Variants in RNF150 observed in about 807,000 individuals in gnomAD.
The protein encoded by RNF150 is ring finger protein 150.
Under a neutral mutation model 39.3 loss-of-function variants are expected in RNF150, and 24 were observed. The observed-to-expected ratio is 0.61, with a 90% CI of 0.44 to 0.86. The LOEUF is 0.86. Among genes scored for constraint, RNF150 ranks in the 40% least tolerant of loss-of-function variants. The pLI is 0.00. For synonymous variants in RNF150, 255 were observed against 227.3 expected, an observed-to-expected ratio of 1.12 and a Z score of -1.10; for missense variants, 502 against 587.8, an observed-to-expected ratio of 0.85 and a Z score of 1.51.
intron 1 of RNF150, among the ~76,000 whole-genome samples, chr4:141,043,267 G>A (rs1414026926): frequency 3.9e-5 from 6 of 152,044 alleles, no homozygotes; most frequent in African/African-American, 1.4e-4. Flanking sequence ...GTACGTTTGT[G>A]AAGGAGAGGG....
chr4:140,873,821 G>A (rs894238355), intron 6 of RNF150, among the ~76,000 whole-genome samples: 7 of 152,000 alleles, frequency 4.6e-5, no homozygotes, highest in African/African-American at 9.7e-5. Flanking sequence ...GACCACATAC[G>A]TGTCCCACCA....
At chr4:141,201,886 A>G (rs566738930) in intron 1 of RNF150, among the ~76,000 whole-genome samples, 1 of 152,232 alleles carries the variant, frequency 6.6e-6, no homozygotes, top group African/African-American at 2.4e-5. Context: ...CCAATGTGAT[A>G]CTATTAGAAG....
intron 4 of RNF150, among the ~76,000 whole-genome samples, chr4:140,942,868 T>G (rs114466261): frequency 7.9e-5 from 12 of 152,308 alleles, no homozygotes; most frequent in African/African-American, 2.6e-4. Context: ...TTAGAGAATT[T>G]TGTTTGTAAT....
chr4:141,160,801 G>A (rs1727497364), intron 1 of RNF150, among the ~76,000 whole-genome samples: 1 of 152,202 alleles, frequency 6.6e-6, no homozygotes, highest in South Asian at 2.1e-4. Flanking sequence ...GTGATTGAAA[G>A]TTTCTTGAAG....
chr4:140,930,636 T>C (rs1731591312), intron 4 of RNF150, among the ~76,000 whole-genome samples: 1 of 152,232 alleles, frequency 6.6e-6, no homozygotes, highest in Admixed American at 6.5e-5. Flanking sequence ...GGGACTTTTC[T>C]TCTCTCAGCG....
At chr4:140,945,773 T>A (rs1367852301) in intron 4 of RNF150, among the ~76,000 whole-genome samples, 1 of 151,818 alleles carries the variant, frequency 6.6e-6, no homozygotes, top group East Asian at 1.9e-4. Flanking sequence ...TTTGTAAATG[T>A]CTTTGGATTT....
chr4:140,933,000 T>C (rs1046733023), intron 4 of RNF150, among the ~76,000 whole-genome samples: 2 of 152,230 alleles, frequency 1.3e-5, no homozygotes, highest in African/African-American at 4.8e-5. Flanking sequence ...TTGCTGTTAC[T>C]GCATCAAAGC....
At chr4:140,934,246 G>A (rs555947822) in intron 4 of RNF150, among the ~76,000 whole-genome samples, 1 of 152,218 alleles carries the variant, frequency 6.6e-6, no homozygotes, top group South Asian at 2.1e-4. Flanking sequence ...CTGATCTCAG[G>A]TGATCCACCA....
intron 1 of RNF150, among the ~76,000 whole-genome samples, chr4:141,201,325 A>G (rs2111217106): frequency 6.6e-6 from 1 of 152,332 alleles, no homozygotes; most frequent in Admixed American, 6.5e-5. Flanking sequence ...CCCAAATACA[A>G]AATGAAGTTT....
intron 1 of RNF150, among the ~76,000 whole-genome samples, chr4:141,198,960 T>C (rs959690416): frequency 1.3e-5 from 2 of 152,226 alleles, no homozygotes; most frequent in African/African-American, 4.8e-5. Flanking sequence ...AGAAAATATT[T>C]GCAAATCATA....
At chr4:141,187,543 G>A (rs1157189223) in intron 1 of RNF150, among the ~76,000 whole-genome samples, 1 of 152,084 alleles carries the variant, frequency 6.6e-6, no homozygotes, top group Non-Finnish European at 1.5e-5. Context: ...TCGTGTATTG[G>A]GTGCATATAT....
chr4:141,195,869 A>G (rs1578791828), intron 1 of RNF150, among the ~76,000 whole-genome samples: 1 of 152,296 alleles, frequency 6.6e-6, no homozygotes, highest in East Asian at 1.9e-4. Context: ...TAGTCTGGGA[A>G]ACTAGAGTTA....
chr4:141,010,015 T>C (rs765230506), intron 1 of RNF150, among the ~76,000 whole-genome samples: 1 of 152,220 alleles, frequency 6.6e-6, no homozygotes, highest in Non-Finnish European at 1.5e-5. Flanking sequence ...ATGTGTTTGC[T>C]TTCCTAAAAG....
Position 141,132,827 on chromosome 4 carries a change from C to G in RNF150, c.-19G>C. The G allele has an allele frequency of 3.1e-6, 5 of 1,588,892 alleles. No individual in the cohort carries two copies. Among genetic ancestry groups the G allele is most frequent in the Non-Finnish European group, 3.4e-6 (4 of 1,163,032 alleles). Reference sequence around the variant, plus strand: ...TTGCCATCTTTATCCGCCGGGGCCCCCTCCCCGCCCCCGCGCCCTCCCTCC... The same window carrying G: ...TTGCCATCTTTATCCGCCGGGGCCCGCTCCCCGCCCCCGCGCCCTCCCTCC... On this transcript the variant is annotated 5_prime_UTR_variant, in exon 1 of 7. Transcript: ENST00000515673. This position sits in a 1 kb window ranked among gnomAD's most constrained non-coding sequence, Gnocchi z 4.9.
chr4:140,862,805 C>T lies in RNF150; in HGVS notation c.*5456G>A, dbSNP rs979490994. On this transcript the variant is annotated 3_prime_UTR_variant, in exon 7 of 7. Transcript: ENST00000515673. ...CCCCAAAACCCAGGTCAGCTCTAAA[C>T]CTAGGGATGAGCATTTACTTGGGGA... The T allele has an allele frequency of 3.9e-5, 6 of 152,150 alleles. No individual in the cohort carries two copies. Among genetic ancestry groups the T allele is most frequent in the African/African-American group, 1.4e-4 (6 of 41,424 alleles). The allele number at this position is 152,150 out of a possible 1,614,324, so 9.4% of individuals were successfully genotyped here.
intron 2 of RNF150, among the ~76,000 whole-genome samples, chr4:140,965,122 G>A (rs1472269627): frequency 2.0e-5 from 3 of 152,010 alleles, no homozygotes; most frequent in South Asian, 2.1e-4. Context: ...AAACATGAAT[G>A]CTTTTCAGTA....
intron 1 of RNF150, among the ~76,000 whole-genome samples, chr4:141,183,842 C>G (rs1727953813): frequency 6.6e-6 from 1 of 152,170 alleles, no homozygotes; most frequent in Admixed American, 6.5e-5. Context: ...TGAACTCATT[C>G]ATTTTTATAC....
chr4:141,103,312 C>T (rs1739080794), intron 1 of RNF150, among the ~76,000 whole-genome samples: 1 of 152,224 alleles, frequency 6.6e-6, no homozygotes, highest in African/African-American at 2.4e-5. Context: ...GTTGTGAAGA[C>T]TCTCCTCCTT....
intron 1 of RNF150, among the ~76,000 whole-genome samples, chr4:141,041,635 A>C (rs1736375411): frequency 6.6e-6 from 1 of 152,080 alleles, no homozygotes; most frequent in African/African-American, 2.4e-5. Flanking sequence ...GTTTTGCCTA[A>C]AAAAGGTCTA....
Sources: gnomAD v4.1 joint callset for allele counts (sites outside exome capture counted in the v4.1 genomes callset) on GRCh38, gnomAD v4.1.1 for gene constraint, Gnocchi (gnomAD v3.1) non-coding constraint, MANE v1.5 for transcripts, NCBI Gene and HGNC (gene_info 2026-07-23, HGNC 2026-07-21) for gene names.